GCG: variants seen among roughly 807,000 people sequenced by gnomAD.
GCG encodes glucagon.
In GCG, 11 loss-of-function variants were observed where a neutral mutation model predicts 22.8. That is an observed-to-expected ratio of 0.48 (90% CI 0.30 to 0.80). The LOEUF (loss-of-function observed/expected upper bound fraction) is 0.80, where lower values mean the gene tolerates loss of function less well. Ranked by LOEUF, GCG falls within the 30% of genes least tolerant of loss-of-function variation. The probability of loss-of-function intolerance (pLI) is 0.06; values close to 1 mark genes in which losing one functional copy is unlikely to be tolerated. For missense variants in GCG, 222 were observed against 222.0 expected (o/e 1.00, Z 0.00); for synonymous variants, 89 against 72.4 (o/e 1.23, Z -1.16).
chr2:162,147,319 A>T (rs1686713066), intron 3 of GCG, 34 bp downstream of exon 3: 1 of 1,548,688 alleles, frequency 6.5e-7, no homozygotes, highest in Admixed American at 1.7e-5. Context: ...TAATACATTT[A>T]TAAGCAAGTT....
At chr2:162,150,271 T>A (rs1252478501) in intron 1 of GCG, among the ~76,000 whole-genome samples, 2 of 152,178 alleles carry the variant, frequency 1.3e-5, no homozygotes, top group Non-Finnish European at 2.9e-5. Flanking sequence ...CAAGTTTGAC[T>A]ATGCTTATCC....
chr2:162,144,694 T>C (rs982317120), intron 4 of GCG: 1 of 152,184 alleles, frequency 6.6e-6, no homozygotes, highest in African/African-American at 2.4e-5. Flanking sequence ...ATTATTAATG[T>C]TTTAAAAACC....
intron 2 of GCG, among the ~76,000 whole-genome samples, chr2:162,148,835 T>C (rs1686760572): frequency 6.6e-6 from 1 of 152,140 alleles, no homozygotes; most frequent in Non-Finnish European, 1.5e-5. Flanking sequence ...TAGGATCATC[T>C]GTAGATTTCA....
intron 2 of GCG, among the ~76,000 whole-genome samples, chr2:162,148,316 A>C (rs905092156): frequency 6.6e-6 from 1 of 152,252 alleles, no homozygotes; most frequent in Admixed American, 6.5e-5. Flanking sequence ...CTATGTGCAA[A>C]AAAATAGTAA....
chr2:162,150,770 A>AG (rs1177625279), intron 1 of GCG, among the ~76,000 whole-genome samples: 6 of 152,098 alleles, frequency 3.9e-5, no homozygotes, highest in Non-Finnish European at 8.8e-5. Flanking sequence ...TGAAAAAAAA[A>AG]TTCATTCCAC....
rs147561815 is a variant in GCG, at chr2:162,149,928, C to T, written c.-9-741G>A. Among the ~76,000 whole-genome samples, 6 of 152,240 alleles carry T rather than the reference C, an allele frequency of 3.9e-5. No individual in the cohort carries two copies. In the East Asian group the frequency reaches 9.6e-4, roughly 24 times the overall value. On this transcript the variant is annotated intron_variant, in intron 1 of 5. Transcript: ENST00000418842. ...CTATGTAAAAAAAAATTAGAGCTTG[C>T]TTCTAAAGTCATAAAAGTCCCCAGG... is the stretch of plus-strand genomic sequence containing the variant.
At chr2:162,147,576 G>A (rs780067835) in intron 2 of GCG, 62 bp from the exon 3 acceptor site, 12 of 1,390,262 alleles carry the variant, frequency 8.6e-6, no homozygotes, top group Non-Finnish European at 1.2e-5. Context: ...CACTTGAGAA[G>A]CATCTTCACT....
chr2:162,143,987 AG>A, intron 5 of GCG, 39 bp downstream of exon 5: 2 of 1,580,638 alleles, frequency 1.3e-6, no homozygotes, highest in Non-Finnish European at 1.7e-6. Flanking sequence ...AGTACTTATG[AG>A]AATTTGATGG....
chr2:162,144,398 C>T (rs2106194561), intron 4 of GCG: 1 of 496,400 alleles, frequency 2.0e-6, no homozygotes, highest in East Asian at 3.2e-5. Context: ...TAATTTCATG[C>T]CCTTTTCAAT....
intron 1 of GCG, among the ~76,000 whole-genome samples, chr2:162,151,013 A>G (rs542696204): frequency 1.4e-5 from 2 of 142,934 alleles, no homozygotes; most frequent in African/African-American, 5.0e-5. Context: ...TCGAATTGTG[A>G]AAAAAAAAAG....
rs200220805 is a variant in GCG, at chr2:162,147,463, G to A, written c.144C>T (p.Asn48=). 3.7e-5 allele frequency: 59 copies of A among 1,613,042 alleles called. No individual in the cohort carries two copies. Among genetic ancestry groups the A allele is most frequent in the African/African-American group, 9.3e-5 (7 of 74,950 alleles). ...TGCCCTGTGAATGGCGCTTGTCCTCGTTCATCTGATCAGGATCACTGAGTG... is the reference window on the plus strand; with the variant it reads ...TGCCCTGTGAATGGCGCTTGTCCTCATTCATCTGATCAGGATCACTGAGTG... ...ADPLSDPDQM[N]EDKRHSQGTF... Residue 48 remains asparagine (N), a synonymous_variant, in exon 3 of 6, where the codon AAC becomes AAT. Coordinates refer to ENST00000418842, the MANE Select transcript of GCG (RefSeq NM_002054.5).
At chr2:162,146,388 T>A (rs1485385937) in intron 3 of GCG, among the ~76,000 whole-genome samples, 1 of 152,134 alleles carries the variant, frequency 6.6e-6, no homozygotes, top group African/African-American at 2.4e-5. Context: ...TTTTATAAAT[T>A]TGTGATTTCT....
Position 162,145,609 on chromosome 2 carries a change from C to G in GCG, c.323G>C (p.Ser108Thr). ...HAEGTFTSDVSSYLEGQAAKE... is the reference protein window; with the variant it reads ...HAEGTFTSDVTSYLEGQAAKE... ...GGCAGCTTGGCCTTCCAAATAAGAA[C>G]TTACATCACTGGTAAAGGTCCCTTC... Residue 108 changes from serine to threonine, a missense_variant, in exon 4 of 6, where the codon AGT (serine) becomes ACT (threonine). Physicochemically the swap from Ser to Thr is moderately conservative, Grantham distance 58. Coordinates refer to ENST00000418842, the MANE Select transcript of GCG (RefSeq NM_002054.5). 1 of 1,611,908 alleles carries G rather than the reference C, an allele frequency of 6.2e-7. No homozygotes were observed. The highest frequency in any genetic ancestry group is 8.5e-7 in the Non-Finnish European group (1 of 1,178,650).
chr2:162,149,128 G>T lies in GCG; in HGVS notation c.51C>A (p.Gly17=). ...VAGLFVMLVQ[G]SWQRSLQDTE... is the part of the protein sequence containing the mutation. Reference sequence around the variant, plus strand: ...TGTCTTGAAGGGAACGTTGCCAGCTGCCTTGTACCAGCATTACAAATAATC... The same window carrying T: ...TGTCTTGAAGGGAACGTTGCCAGCTTCCTTGTACCAGCATTACAAATAATC... Residue 17 remains glycine (G), a synonymous_variant, in exon 2 of 6, where the codon GGC becomes GGA. Transcript: ENST00000418842. 6 of 1,612,442 alleles carry T rather than the reference G, an allele frequency of 3.7e-6. No homozygotes were observed. The highest frequency in any genetic ancestry group is 5.1e-6 in the Non-Finnish European group (6 of 1,178,794).
At chr2:162,150,295 A>G (rs1686801528) in intron 1 of GCG, among the ~76,000 whole-genome samples, 1 of 152,172 alleles carries the variant, frequency 6.6e-6, no homozygotes, top group African/African-American at 2.4e-5. Flanking sequence ...AATAATTTGA[A>G]TGAATATTTT....
intron 3 of GCG, among the ~76,000 whole-genome samples, chr2:162,146,890 G>T (rs767123087): frequency 4.6e-5 from 7 of 152,038 alleles, no homozygotes; most frequent in Non-Finnish European, 8.8e-5. Flanking sequence ...AATTTTAAAT[G>T]CATGTCTTGG....
chr2:162,148,707 T>C (rs1035804335), intron 2 of GCG, among the ~76,000 whole-genome samples: 1 of 152,122 alleles, frequency 6.6e-6, no homozygotes, highest in African/African-American at 2.4e-5. Flanking sequence ...TGAACATGTA[T>C]GGCTTTTACA....
At position 162,144,290 on chromosome 2, in the gene GCG, T is replaced by C. The variant is rs13306377; in HGVS notation, c.393-120A>G. The C allele has an allele frequency of 2.3e-3, 1,826 of 796,590 alleles. 35 individuals are homozygous for C. In the East Asian group the frequency reaches 0.041, roughly 18 times the overall value. The allele number at this position is 796,590 out of a possible 1,614,324, so 49.3% of individuals were successfully genotyped here. A position where few individuals can be genotyped will look rare whatever the true frequency, so the allele number is the denominator to read the frequency against. ...AGGAAACAGTAAAGGATTCTGTTTT[T>C]AAAGGGTGTACTGTGAAATACCTGA... On this transcript the variant is annotated intron_variant, in intron 4 of 5. Coordinates refer to ENST00000418842, the MANE Select transcript of GCG (RefSeq NM_002054.5).
chr2:162,144,498 A>G (rs949549884), intron 4 of GCG: 54 of 215,548 alleles, frequency 2.5e-4, no homozygotes, highest in African/African-American at 1.2e-3. Context: ...AATATATCAT[A>G]TCCTATAAAA....
Sources: gnomAD v4.1 joint callset for allele counts (sites outside exome capture counted in the v4.1 genomes callset) on GRCh38, gnomAD v4.1.1 for gene constraint, MANE v1.5 for transcripts, NCBI Gene and HGNC (gene_info 2026-07-23, HGNC 2026-07-21) for gene names.